Variants in NRF1 observed in about 807,000 individuals in gnomAD.
The protein encoded by NRF1 is nuclear respiratory factor 1.
A neutral mutation model predicts 58.5 loss-of-function variants in NRF1; 5 were observed. The ratio of observed to expected loss-of-function variants is 0.09; its 90% confidence interval spans 0.04 to 0.18. The LOEUF (loss-of-function observed/expected upper bound fraction) is 0.18, where lower values mean the gene tolerates loss of function less well. Ranked by LOEUF, NRF1 falls within the 10% of genes least tolerant of loss-of-function variation. The probability of loss-of-function intolerance (pLI) is 1.00; values close to 1 mark genes in which losing one functional copy is unlikely to be tolerated. For missense variants in NRF1, 288 were observed against 657.7 expected, an observed-to-expected ratio of 0.44 and a Z score of 6.15; for synonymous variants, 224 against 246.7, an observed-to-expected ratio of 0.91 and a Z score of 0.86.
chr7:129,653,704 G>A (rs1801589373), intron 1 of NRF1, among the ~76,000 whole-genome samples: 1 of 152,136 alleles, frequency 6.6e-6, no homozygotes, highest in Admixed American at 6.5e-5. Flanking sequence ...TGCTTTTCCA[G>A]AAGGCCATGT....
At position 129,707,284 on chromosome 7, in the gene NRF1, G is replaced by A. The variant is rs570493647; in HGVS notation, c.607-1791G>A. ...GCAGGGATTATAGGCATGAGCCACTGCACCCAACCCACTTTAGGATTTTGT... is the reference window on the plus strand; with the variant it reads ...GCAGGGATTATAGGCATGAGCCACTACACCCAACCCACTTTAGGATTTTGT... On this transcript the variant is annotated intron_variant, in intron 5 of 10. Coordinates refer to ENST00000393232, the MANE Select transcript of NRF1 (RefSeq NM_005011.5). 1.6e-4 allele frequency among the ~76,000 whole-genome samples: 25 copies of A among 152,308 alleles called. No individual in the cohort carries two copies. The East Asian group carries it at 3.1e-3, about 19-fold the overall frequency.
chr7:129,680,734 T>TCCAGGATAG (rs1802289371), intron 4 of NRF1, among the ~76,000 whole-genome samples: 1 of 152,220 alleles, frequency 6.6e-6, no homozygotes, highest in South Asian at 2.1e-4. Context: ...ATATGCAATG[T>TCCAGGATAG]CCAGGATAGA....
At chr7:129,646,720 C>T (rs1801412908) in intron 1 of NRF1, among the ~76,000 whole-genome samples, 1 of 152,172 alleles carries the variant, frequency 6.6e-6, no homozygotes. Flanking sequence ...TTCCAGTCTC[C>T]CTAGGCAAAA....
intron 4 of NRF1, 102 bp downstream of exon 4, chr7:129,677,860 C>T: frequency 1.4e-6 from 2 of 1,408,154 alleles, no homozygotes; most frequent in Non-Finnish European, 2.0e-6. Flanking sequence ...TTTCTGTTAC[C>T]CCCTAATCCA....
At chr7:129,641,195 A>G (rs1474263601) in intron 1 of NRF1, among the ~76,000 whole-genome samples, 1 of 152,188 alleles carries the variant, frequency 6.6e-6, no homozygotes, top group Non-Finnish European at 1.5e-5. Context: ...TCAACTTTAG[A>G]TGATACCTGT....
intron 1 of NRF1, among the ~76,000 whole-genome samples, chr7:129,619,476 GTGTGTGTGTGTGTGTATATATATA>G (rs1333635192): frequency 6.9e-5 from 2 of 28,846 alleles, no homozygotes; most frequent in Admixed American, 5.8e-4. Context: ...GTGTGTGTGT[GTGTGTGTGTGTGTGTATATATATA>G]TATATATATA....
chr7:129,718,281 C>T (rs774688724), intron 9 of NRF1, among the ~76,000 whole-genome samples: 8 of 152,064 alleles, frequency 5.3e-5, no homozygotes, highest in Non-Finnish European at 1.0e-4. Context: ...GTTTGAAGCC[C>T]AGCTCTGTCA....
chr7:129,612,295 CGCGGGCGG>C (rs140553648), intron 1 of NRF1, among the ~76,000 whole-genome samples: 133,007 of 149,832 alleles, frequency 0.89, 59,061 homozygotes, highest in East Asian at 0.93. Context: ...GGCTCTCGTA[CGCGGGCGG>C]GCGGGCGGGC....
At chr7:129,738,399 T>C (rs911875702) in intron 10 of NRF1, among the ~76,000 whole-genome samples, 3 of 152,184 alleles carry the variant, frequency 2.0e-5, no homozygotes, top group African/African-American at 7.2e-5. Context: ...GGGACAGCAG[T>C]GTCTCTTAGT....
At chr7:129,619,226 T>G (rs1456630656) in intron 1 of NRF1, among the ~76,000 whole-genome samples, 1 of 151,102 alleles carries the variant, frequency 6.6e-6, no homozygotes, top group African/African-American at 2.4e-5. Flanking sequence ...AAGTGAATAC[T>G]GACAGGGAAG....
At chr7:129,672,440 T>C (rs1352039320) in intron 3 of NRF1, among the ~76,000 whole-genome samples, 1 of 152,074 alleles carries the variant, frequency 6.6e-6, no homozygotes, top group Non-Finnish European at 1.5e-5. Flanking sequence ...ATCTGACTTA[T>C]ATTTTTAAAG....
In NRF1 at chr7:129,755,239, G is replaced by T; in HGVS notation, c.*58G>T. The stretch of plus-strand genomic sequence containing the variant: ...CTACTTCAAAATTTTTTACACGTTT[G>T]CAGAGGTGCAATCAAATGGAATTAA... On this transcript the variant is annotated 3_prime_UTR_variant, in exon 11 of 11. Coordinates refer to ENST00000393232, the MANE Select transcript of NRF1 (RefSeq NM_005011.5). The surrounding 1 kb of genome is among the most constrained non-coding windows in gnomAD (Gnocchi z 5.8). The T allele has an allele frequency of 7.1e-7, 1 of 1,408,230 alleles. No individual in the cohort carries two copies. The highest frequency in any genetic ancestry group is 1.6e-5 in the South Asian group (1 of 64,120). 87.2% of individuals were successfully genotyped at this position (1,408,230 alleles called of 1,614,324 possible).
intron 1 of NRF1, chr7:129,633,788 ATGTGTGTG>A (rs5887437): frequency 9.9e-5 from 15 of 150,814 alleles, no homozygotes; most frequent in Non-Finnish European, 2.1e-4. Context: ...ACTATAAGTG[ATGTGTGTG>A]TGTGTGTATG....
At chr7:129,745,836 AT>A (rs1395219462) in intron 10 of NRF1, among the ~76,000 whole-genome samples, 17 of 152,248 alleles carry the variant, frequency 1.1e-4, no homozygotes, top group African/African-American at 4.1e-4. Flanking sequence ...AGGTCTTGAG[AT>A]ATATTTACTA....
At chr7:129,699,252 ACAGT>A (rs534247835) in intron 5 of NRF1, among the ~76,000 whole-genome samples, 26 of 152,328 alleles carry the variant, frequency 1.7e-4, no homozygotes, top group Non-Finnish European at 2.6e-4. Context: ...TACTTACAAA[ACAGT>A]CAGTCAGTTA....
At chr7:129,740,345 C>T (rs899939767) in intron 10 of NRF1, among the ~76,000 whole-genome samples, 5 of 152,196 alleles carry the variant, frequency 3.3e-5, no homozygotes, top group Admixed American at 3.3e-4. Context: ...TAATCACTCA[C>T]ACCGAATGGG....
chr7:129,683,177 A>T (rs879673457), intron 4 of NRF1, among the ~76,000 whole-genome samples: 2 of 151,956 alleles, frequency 1.3e-5, no homozygotes, highest in Non-Finnish European at 2.9e-5. Context: ...CGTTGGGATT[A>T]TAGGTGTGAG....
chr7:129,643,951 C>G (rs1028853010), intron 1 of NRF1, among the ~76,000 whole-genome samples: 28 of 152,314 alleles, frequency 1.8e-4, no homozygotes, highest in African/African-American at 6.7e-4. Context: ...CATTGATGTC[C>G]CCTTGCTATG....
chr7:129,649,657 A>G (rs1032143109), intron 1 of NRF1, among the ~76,000 whole-genome samples: 2 of 151,726 alleles, frequency 1.3e-5, no homozygotes, highest in Non-Finnish European at 2.9e-5. Context: ...TAACCCACCC[A>G]TACTGGCCTA....
Sources: gnomAD v4.1 joint callset for allele counts (sites outside exome capture counted in the v4.1 genomes callset) on GRCh38, gnomAD v4.1.1 for gene constraint, Gnocchi (gnomAD v3.1) non-coding constraint, MANE v1.5 for transcripts, NCBI Gene and HGNC (gene_info 2026-07-23, HGNC 2026-07-21) for gene names.